SHANK2: variants seen among roughly 807,000 people sequenced by gnomAD.
The protein encoded by SHANK2 is SH3 and multiple ankyrin repeat domains 2, also known as SH3 and multiple ankyrin repeat domains protein 2.
SHANK2 carries 43 observed loss-of-function variants against 133.7 expected under a neutral mutation model. The observed-to-expected ratio is 0.32, with a 90% confidence interval of 0.25 to 0.41. The LOEUF (loss-of-function observed/expected upper bound fraction) is 0.41, where lower values mean the gene tolerates loss of function less well. Among genes scored for constraint, SHANK2 ranks in the 10% least tolerant of loss-of-function variants. The pLI, the probability that SHANK2 is intolerant of heterozygous loss-of-function variation, is 1.00. For missense variants in SHANK2, 1,994 were observed against 2,235.8 expected (o/e 0.89, Z 2.18); for synonymous variants, 1,017 against 952.8 (o/e 1.07, Z -1.24).
At chr11:70,592,874 T>A (rs1042592393) in intron 17 of SHANK2, among the ~76,000 whole-genome samples, 1 of 152,108 alleles carries the variant, frequency 6.6e-6, no homozygotes, top group Non-Finnish European at 1.5e-5. Context: ...CATCCCCACC[T>A]CGCCTGGGGT....
intron 17 of SHANK2, among the ~76,000 whole-genome samples, chr11:70,567,765 G>T (rs781818714): frequency 3.3e-5 from 5 of 152,170 alleles, no homozygotes; most frequent in Non-Finnish European, 5.9e-5. Flanking sequence ...CTTGATCTTG[G>T]ACTTCTGGAC....
intron 2 of SHANK2, among the ~76,000 whole-genome samples, chr11:71,157,515 C>A (rs1952928228): frequency 6.6e-6 from 1 of 152,146 alleles, no homozygotes; most frequent in South Asian, 2.1e-4. Context: ...GTGGTCTGCA[C>A]CGTCTTTCTT....
intron 1 of SHANK2, among the ~76,000 whole-genome samples, chr11:71,249,008 C>T (rs782298271): frequency 2.1e-4 from 32 of 152,124 alleles, no homozygotes; most frequent in African/African-American, 2.7e-4. Flanking sequence ...TGATTATTCA[C>T]GCGGAAAGAA....
chr11:70,886,909 TA>T (rs1467217999), intron 11 of SHANK2, among the ~76,000 whole-genome samples: 1 of 152,134 alleles, frequency 6.6e-6, no homozygotes, highest in Non-Finnish European at 1.5e-5. Context: ...TTTTAAAATA[TA>T]AAAACCCCTC....
At chr11:71,139,895 C>T (rs1290067282) in intron 3 of SHANK2, among the ~76,000 whole-genome samples, 1 of 152,220 alleles carries the variant, frequency 6.6e-6, no homozygotes, top group East Asian at 1.9e-4. Context: ...AGAAACAGCA[C>T]TCACTCGGCC....
intron 8 of SHANK2, among the ~76,000 whole-genome samples, chr11:71,088,055 T>C (rs1454876458): frequency 6.6e-6 from 1 of 152,170 alleles, no homozygotes; most frequent in Non-Finnish European, 1.5e-5. Context: ...CAGTGACTGC[T>C]CTCAAAACCA....
At chr11:70,589,807 G>T (rs7937264) in intron 17 of SHANK2, among the ~76,000 whole-genome samples, 49,412 of 152,020 alleles carry the variant, frequency 0.33, 9,092 homozygotes, top group African/African-American at 0.5. Flanking sequence ...TTTGAGGGGT[G>T]CAGGGGAAGA....
intron 17 of SHANK2, among the ~76,000 whole-genome samples, chr11:70,636,760 ATG>A (rs782198422): frequency 6.7e-6 from 1 of 149,936 alleles, no homozygotes; most frequent in Non-Finnish European, 1.5e-5. Context: ...GTGTGTGAGC[ATG>A]TGTGTGAGCA....
At chr11:71,164,452 G>A (rs34962213) in intron 2 of SHANK2, among the ~76,000 whole-genome samples, 48 of 152,224 alleles carry the variant, frequency 3.2e-4, no homozygotes, top group Non-Finnish European at 6.0e-4. Flanking sequence ...ATAACCCAGC[G>A]GGCCCCAGTG....
intron 8 of SHANK2, among the ~76,000 whole-genome samples, chr11:71,091,862 C>T (rs1951524543): frequency 6.6e-6 from 1 of 152,212 alleles, no homozygotes; most frequent in African/African-American, 2.4e-5. Flanking sequence ...CAGCCTTTAA[C>T]CCCGTCCACA....
At chr11:70,638,588 C>T (rs1268881401) in intron 17 of SHANK2, among the ~76,000 whole-genome samples, 1 of 152,148 alleles carries the variant, frequency 6.6e-6, no homozygotes, top group Non-Finnish European at 1.5e-5. Flanking sequence ...CCGCGGTGGC[C>T]GAGGAAGCCC....
chr11:70,539,104 A>G (rs2059580757), intron 17 of SHANK2, among the ~76,000 whole-genome samples: 1 of 152,332 alleles, frequency 6.6e-6, no homozygotes, highest in African/African-American at 2.4e-5. Context: ...TGCGGCACAC[A>G]GAGGATCAGG....
intron 10 of SHANK2, among the ~76,000 whole-genome samples, chr11:70,924,528 C>T (rs1590838662): frequency 6.6e-6 from 1 of 152,288 alleles, no homozygotes; most frequent in African/African-American, 2.4e-5. Context: ...ACGATCCTGG[C>T]TCACCACAAC....
At chr11:71,171,369 A>G (rs1489123171) in intron 2 of SHANK2, among the ~76,000 whole-genome samples, 1 of 152,182 alleles carries the variant, frequency 6.6e-6, no homozygotes, top group East Asian at 1.9e-4. Context: ...CTCTGAAGCC[A>G]AAGGCCAGAG....
intron 14 of SHANK2, among the ~76,000 whole-genome samples, chr11:70,771,661 G>A (rs955824825): frequency 1.3e-5 from 2 of 152,126 alleles, no homozygotes; most frequent in Non-Finnish European, 2.9e-5. Flanking sequence ...CCGCGCTGGG[G>A]GCCCAGCGAG....
chr11:70,933,893 G>T (rs1950533825), intron 10 of SHANK2, among the ~76,000 whole-genome samples: 1 of 117,300 alleles, frequency 8.5e-6, no homozygotes, highest in African/African-American at 3.7e-5. Context: ...GAGCAAGACT[G>T]TGTCTCAAAA....
At chr11:70,875,365 C>CA (rs200696025) in intron 11 of SHANK2, among the ~76,000 whole-genome samples, 7,531 of 148,134 alleles carry the variant, frequency 0.051, 593 homozygotes, top group African/African-American at 0.18. Context: ...ACTAAAAATA[C>CA]AAAAAAAAAA....
chr11:70,572,461 C>T (rs2060057455), intron 17 of SHANK2, among the ~76,000 whole-genome samples: 1 of 152,086 alleles, frequency 6.6e-6, no homozygotes, highest in Admixed American at 6.5e-5. Context: ...TGCCTGGTCA[C>T]CCCTGCTGTT....
intron 17 of SHANK2, among the ~76,000 whole-genome samples, chr11:70,542,279 A>G (rs2059632274): frequency 6.6e-6 from 1 of 152,170 alleles, no homozygotes; most frequent in Admixed American, 6.5e-5. Context: ...TGGGCCCTGA[A>G]TCCAGTGACG....
Sources: gnomAD v4.1 joint callset for allele counts (sites outside exome capture counted in the v4.1 genomes callset) on GRCh38, gnomAD v4.1.1 for gene constraint, MANE v1.5 for transcripts, NCBI Gene and HGNC (gene_info 2026-07-23, HGNC 2026-07-21) for gene names.